The following RIMS1 variants were observed in gnomAD, a reference collection of about 807,000 sequenced individuals.
The protein encoded by RIMS1 is regulating synaptic membrane exocytosis protein 1.
RIMS1 carries 83 observed loss-of-function variants against 214.1 expected under a neutral mutation model. The observed-to-expected ratio is 0.39, with a 90% CI of 0.32 to 0.47. The LOEUF is 0.47. Among genes scored for constraint, RIMS1 ranks in the 20% least tolerant of loss-of-function variants. The pLI, the probability that RIMS1 is intolerant of heterozygous loss-of-function variation, is 0.99. For synonymous variants in RIMS1, 793 were observed against 786.8 expected, an observed-to-expected ratio of 1.01 and a Z score of -0.13; for missense variants, 2,050 against 2,161.8, an observed-to-expected ratio of 0.95 and a Z score of 1.03.
At chr6:72,345,686 G>A (rs2154362570) in intron 29 of RIMS1, among the ~76,000 whole-genome samples, 1 of 151,828 alleles carries the variant, frequency 6.6e-6, no homozygotes, top group South Asian at 2.1e-4. Context: ...TTTAAAAAAT[G>A]TGTATTTAAG....
intron 28 of RIMS1, among the ~76,000 whole-genome samples, chr6:72,328,870 T>A (rs911781445): frequency 7.9e-5 from 12 of 151,914 alleles, no homozygotes; most frequent in Admixed American, 7.9e-4. Flanking sequence ...GCTTTCAATG[T>A]ATTCCTGACA....
chr6:72,110,194 T>G (rs1015192041), intron 4 of RIMS1, among the ~76,000 whole-genome samples: 7 of 152,218 alleles, frequency 4.6e-5, no homozygotes, highest in African/African-American at 1.7e-4. Flanking sequence ...GGCCCTTTTT[T>G]GGTTCCATAT....
chr6:72,355,588 G>T (rs1564452601), intron 29 of RIMS1, among the ~76,000 whole-genome samples: 1 of 152,120 alleles, frequency 6.6e-6, no homozygotes, highest in Non-Finnish European at 1.5e-5. Flanking sequence ...ACAAGCAGCT[G>T]ATTTTTTACA....
At chr6:71,954,405 G>C (rs1318953928) in intron 1 of RIMS1, among the ~76,000 whole-genome samples, 1 of 152,122 alleles carries the variant, frequency 6.6e-6, no homozygotes, top group East Asian at 1.9e-4. Flanking sequence ...CTGCTTTAAA[G>C]CTCCTTTAAG....
In RIMS1 at chr6:72,182,516, G is replaced by A. The variant is rs866911868; in HGVS notation, c.1045G>A (p.Glu349Lys). The A allele has an allele frequency of 5.7e-6, 9 of 1,587,462 alleles. No homozygotes were observed. The African/African-American group carries it at 6.7e-5, about 12-fold the overall frequency. ...AADEEKQRKEEDYQTRYRSDP... is the reference protein window; with the variant it reads ...AADEEKQRKEKDYQTRYRSDP... Reference sequence around the variant, plus strand: ...GGATGAGGAAAAGCAAAGAAAAGAGGAGGATTATCAGACCAGGTACCGCAG... The same window carrying A: ...GGATGAGGAAAAGCAAAGAAAAGAGAAGGATTATCAGACCAGGTACCGCAG... Residue 349 changes from glutamate (E) to lysine (K), a missense_variant, in exon 6 of 34, where the codon GAG becomes AAG. By Grantham distance (56) the Glu-to-Lys change is moderately conservative (BLOSUM62 1). Transcript: ENST00000521978.
chr6:72,072,089 A>G (rs1830704906), intron 2 of RIMS1, among the ~76,000 whole-genome samples: 1 of 152,190 alleles, frequency 6.6e-6, no homozygotes. Context: ...TCTCCCTTGA[A>G]GGTGTGGACA....
chr6:72,101,067 G>A (rs996414536), intron 4 of RIMS1, among the ~76,000 whole-genome samples: 1 of 151,908 alleles, frequency 6.6e-6, no homozygotes, highest in Non-Finnish European at 1.5e-5. Flanking sequence ...GTTCACAGTT[G>A]AAACGTGGGT....
chr6:72,300,704 A>C (rs564624578), intron 26 of RIMS1, among the ~76,000 whole-genome samples: 1 of 151,908 alleles, frequency 6.6e-6, no homozygotes, highest in African/African-American at 2.4e-5. Context: ...ACCCTAAAGG[A>C]CAAGATATAT....
intron 19 of RIMS1, chr6:72,261,218 A>C (rs892690043): frequency 9.9e-7 from 1 of 1,007,868 alleles, no homozygotes; most frequent in Admixed American, 5.5e-5. Context: ...TGTTGTTTAT[A>C]TTCTGTTTGC....
At chr6:72,326,874 G>T (rs1045186332) in intron 28 of RIMS1, among the ~76,000 whole-genome samples, 9 of 151,650 alleles carry the variant, frequency 5.9e-5, no homozygotes, top group Non-Finnish European at 7.4e-5. Flanking sequence ...AAAAAGGAGG[G>T]AGCAGAGTCA....
At chr6:72,213,524 G>A (rs1330282934) in intron 6 of RIMS1, among the ~76,000 whole-genome samples, 2 of 151,702 alleles carry the variant, frequency 1.3e-5, no homozygotes, top group Admixed American at 6.6e-5. Flanking sequence ...GAAAATCAAT[G>A]TTCTGTGAAA....
At chr6:71,997,782 A>G (rs1286006613) in intron 2 of RIMS1, among the ~76,000 whole-genome samples, 1 of 152,198 alleles carries the variant, frequency 6.6e-6, no homozygotes, top group Non-Finnish European at 1.5e-5. Context: ...CAGAGTTTTT[A>G]AAATGCTAAA....
In RIMS1 at chr6:72,125,711, G is replaced by C. The variant is rs987129418; in HGVS notation, c.471+25725G>C. Among the ~76,000 whole-genome samples, 13 of 152,286 alleles carry C rather than the reference G, an allele frequency of 8.5e-5. No homozygotes were observed. The East Asian group carries it at 2.1e-3, about 25-fold the overall frequency. ...AGCAATGGTGGATGCCCCTCCCCCA[G>C]CCCAGGCTGCCACCTCGCAGTTGGA... On this transcript the variant is annotated intron_variant, in intron 4 of 33. Transcript: ENST00000521978.
chr6:72,035,372 A>C (rs750112659), intron 2 of RIMS1, among the ~76,000 whole-genome samples: 26 of 152,180 alleles, frequency 1.7e-4, no homozygotes, highest in Non-Finnish European at 3.2e-4. Flanking sequence ...GTTTAGATAT[A>C]GATTTTTAGT....
At chr6:71,975,759 CCATTACTT>C (rs917642635) in intron 2 of RIMS1, among the ~76,000 whole-genome samples, 14 of 152,040 alleles carry the variant, frequency 9.2e-5, no homozygotes, top group African/African-American at 3.1e-4. Flanking sequence ...GCATCTGAAA[CCATTACTT>C]TCTATATTTA....
chr6:72,263,630 G>T, intron 19 of RIMS1: 1 of 985,326 alleles, frequency 1.0e-6, no homozygotes, highest in Non-Finnish European at 1.2e-6. Flanking sequence ...ATTTGCCTGA[G>T]GTTAGGAGTT....
chr6:71,927,433 A>T (rs1417674288), intron 1 of RIMS1, among the ~76,000 whole-genome samples: 3 of 152,076 alleles, frequency 2.0e-5, no homozygotes, highest in African/African-American at 4.8e-5. Flanking sequence ...TGTGATGAAT[A>T]AAAAAAAGTC....
At position 71,887,011 on chromosome 6, in the gene RIMS1, G is replaced by A. The variant is rs763463323; in HGVS notation, c.-13G>A. On this transcript the variant is annotated 5_prime_UTR_variant, in exon 1 of 34. Coordinates refer to ENST00000521978, the MANE Select transcript of RIMS1 (RefSeq NM_014989.7). ...GCCAGAGAGCGAGCAGAGGGGGCGG[G>A]CAGGCCACGAAAATGTCCTCGGCCG... The A allele has an allele frequency of 6.2e-7, 1 of 1,610,368 alleles. No individual in the cohort carries two copies. The highest frequency in any genetic ancestry group is 8.5e-7 in the Non-Finnish European group (1 of 1,178,190).
intron 6 of RIMS1, among the ~76,000 whole-genome samples, chr6:72,187,004 G>A (rs924360379): frequency 3.9e-5 from 6 of 152,082 alleles, no homozygotes; most frequent in African/African-American, 1.4e-4. Context: ...GGTGGCATGC[G>A]CCTGTAGGCT....
Sources: allele counts gnomAD v4.1 joint callset (sites outside exome capture counted in the v4.1 genomes callset), GRCh38; gene constraint gnomAD v4.1.1; transcripts MANE v1.5; gene names NCBI Gene and HGNC (gene_info 2026-07-23, HGNC 2026-07-21).